CARD8: variants seen among roughly 807,000 people sequenced by gnomAD.
CARD8 encodes the protein caspase recruitment domain family member 8.
CARD8 carries 38 observed loss-of-function variants against 53.2 expected under a neutral mutation model. The ratio of observed to expected loss-of-function variants is 0.71; its 90% CI spans 0.55 to 0.94. The LOEUF (loss-of-function observed/expected upper bound fraction) is 0.94. Among genes scored for constraint, CARD8 ranks in the 40% least tolerant of loss-of-function variants. CARD8 has a pLI of 0.00. For synonymous variants in CARD8, 245 were observed against 244.9 expected, an observed-to-expected ratio of 1.00 and a Z score of 0.00; for missense variants, 561 against 655.5, an observed-to-expected ratio of 0.86 and a Z score of 1.57.
chr19:48,232,092 C>G, intron 7 of CARD8: 1 of 555,954 alleles, frequency 1.8e-6, no homozygotes, highest in Admixed American at 2.9e-5. Context: ...GGACTGGAAC[C>G]AATGCACCTA....
intron 11 of CARD8, among the ~76,000 whole-genome samples, chr19:48,220,947 GGAAAGGAAA>G (rs1388870366): frequency 9.2e-6 from 1 of 108,568 alleles, no homozygotes; most frequent in African/African-American, 3.8e-5. Context: ...GGGAAAGAAA[GGAAAGGAAA>G]GGAAGGAAGG....
rs567237629 is a variant in CARD8 at position 48,233,772 on chromosome 19, A to C, written c.350+631T>G. The stretch of plus-strand genomic sequence containing the variant: ...ACCATTAGTCTAAATTAAATGATAC[A>C]AGCTAACATTTAAATAAATCATATT... On this transcript the variant is annotated intron_variant, in intron 6 of 13. Coordinates refer to ENST00000651546, the MANE Select transcript of CARD8 (RefSeq NM_001184900.3). The C allele has an allele frequency of 2.8e-5, 5 of 177,610 alleles. No homozygotes were observed. In the East Asian group the frequency reaches 8.3e-4, roughly 30 times the overall value. The allele number at this position is 177,610 out of a possible 1,614,324, so 11.0% of individuals were successfully genotyped here.
At position 48,211,879 on chromosome 19, in the gene CARD8, G is replaced by C; in HGVS notation, c.1445C>G (p.Thr482Ser). The change falls in exon 14 of 14, where the codon ACT becomes AGT. Residue 482 changes from threonine (T) to serine (S), a missense_variant. Thr to Ser is a moderately conservative substitution (Grantham distance 58). Coordinates refer to ENST00000651546, the MANE Select transcript of CARD8 (RefSeq NM_001184900.3). ...LDDLQDNEVL[T>S]ENEKELVEQE... ...CTCCACCAGCTCCTTCTCATTCTCA[G>C]TAAGAACCTCATTGTCTTGGAGATC... 1 of 1,614,060 alleles carries C rather than the reference G, an allele frequency of 6.2e-7. No individual in the cohort carries two copies. The highest frequency in any genetic ancestry group is 8.5e-7 in the Non-Finnish European group (1 of 1,179,992).
rs139483339 is a variant in CARD8, at chr19:48,211,950, G to A, written c.1374C>T (p.His458=). The part of the protein sequence containing the change: ...FSGAAFVKEN[H]RQLQARMGDL... ...CCCCCATCCTGGCTTGGAGTTGCCGGTGGTTCTCCTTCACAAAGGCTGCAC... is the reference window on the plus strand; with the variant it reads ...CCCCCATCCTGGCTTGGAGTTGCCGATGGTTCTCCTTCACAAAGGCTGCAC... The change falls in exon 14 of 14, where the codon CAC becomes CAT. Residue 458 remains histidine, a synonymous_variant. Transcript: ENST00000651546. 17 of 1,613,938 alleles carry A rather than the reference G, an allele frequency of 1.1e-5. No homozygotes were observed. The African/African-American group carries it at 1.7e-4, about 16-fold the overall frequency.
At chr19:48,238,869 C>G (rs1256081191) in intron 4 of CARD8, among the ~76,000 whole-genome samples, 2 of 152,146 alleles carry the variant, frequency 1.3e-5, no homozygotes, top group African/African-American at 2.4e-5. Context: ...AATAAAATAC[C>G]ATTCCTCCAC....
intron 13 of CARD8, chr19:48,213,051 CA>C (rs2038355835): frequency 6.6e-6 from 1 of 152,206 alleles, no homozygotes; most frequent in Non-Finnish European, 1.5e-5. Context: ...GGGACGAAGA[CA>C]TGGAGAAACA....
In CARD8 at chr19:48,234,542, C is replaced by A; in HGVS notation, c.211G>T (p.Val71Leu). Residue 71 changes from valine (V) to leucine (L), a missense_variant and splice_region_variant, in exon 6 of 14, where the codon GTA (valine) becomes TTA (leucine). Val to Leu is a conservative substitution (Grantham distance 32). Coordinates refer to ENST00000651546, the MANE Select transcript of CARD8 (RefSeq NM_001184900.3). ...GAAACACAGGGTAGCTCCCTGTATA[C>A]CCTGGAAAACAACAACAGAATTTTT... The part of the protein sequence containing the change: ...QAEACVTNDT[V>L]YRELPCVSET... 6.2e-7 allele frequency: 1 copy of A among 1,611,386 alleles called. No individual in the cohort carries two copies. Among genetic ancestry groups the A allele is most frequent in the Non-Finnish European group, 8.5e-7 (1 of 1,179,158 alleles).
chr19:48,247,831 T>C (rs2046372013), intron 3 of CARD8, among the ~76,000 whole-genome samples: 1 of 151,372 alleles, frequency 6.6e-6, no homozygotes, highest in Admixed American at 6.6e-5. Context: ...CAAAATTAAA[T>C]TACACTAAAT....
intron 11 of CARD8, among the ~76,000 whole-genome samples, chr19:48,219,235 T>C (rs1395575201): frequency 6.6e-6 from 1 of 151,986 alleles, no homozygotes; most frequent in Non-Finnish European, 1.5e-5. Flanking sequence ...ACCACATGAG[T>C]CAGAGAAAAA....
chr19:48,230,844 A>T lies in CARD8; in HGVS notation c.705T>A (p.Phe235Leu), dbSNP rs2042730219. Residue 235 changes from phenylalanine (F) to leucine (L), a missense_variant, in exon 9 of 14, where the codon TTT becomes TTA. By Grantham distance (22) the Phe-to-Leu change is conservative. Coordinates refer to ENST00000651546, the MANE Select transcript of CARD8 (RefSeq NM_001184900.3). Reference protein sequence around the residue: ...HEQWLVGGPLFDVTAEPEEAV... With the variant: ...HEQWLVGGPLLDVTAEPEEAV... ...CCTCCTCTGGCTCTGCAGTGACATC[A>T]AACAAGGGGCCGCCCACCAGCCACT... 1.9e-6 allele frequency: 3 copies of T among 1,614,012 alleles called. No individual in the cohort carries two copies. The highest frequency in any genetic ancestry group is 2.5e-6 in the Non-Finnish European group (3 of 1,180,032).
chr19:48,224,447 A>G (rs1390538192), intron 10 of CARD8, among the ~76,000 whole-genome samples: 1 of 152,152 alleles, frequency 6.6e-6, no homozygotes, highest in Non-Finnish European at 1.5e-5. Context: ...GTGTATTAAA[A>G]CTTAAATACT....
At chr19:48,241,296 C>T (rs1249373533) in intron 3 of CARD8, among the ~76,000 whole-genome samples, 1 of 152,116 alleles carries the variant, frequency 6.6e-6, no homozygotes, top group Non-Finnish European at 1.5e-5. Flanking sequence ...AGCTCTGTCA[C>T]CCAGGCTGGA....
At chr19:48,254,886 T>A (rs1364956285) in intron 1 of CARD8, among the ~76,000 whole-genome samples, 1 of 152,218 alleles carries the variant, frequency 6.6e-6, no homozygotes, top group African/African-American at 2.4e-5. Flanking sequence ...CTGCAAGGAA[T>A]GCTGCCCAGC....
chr19:48,238,929 C>T (rs910961679), intron 4 of CARD8, among the ~76,000 whole-genome samples: 1 of 152,218 alleles, frequency 6.6e-6, no homozygotes, highest in Non-Finnish European at 1.5e-5. Context: ...AGACAATGAT[C>T]TTATCTCAGG....
chr19:48,236,075 G>A (rs1315434656), intron 5 of CARD8, among the ~76,000 whole-genome samples: 1 of 152,272 alleles, frequency 6.6e-6, no homozygotes, highest in East Asian at 1.9e-4. Flanking sequence ...CTTTCACACT[G>A]GACACCACAG....
intron 6 of CARD8, chr19:48,234,132 T>C (rs1440591158): frequency 5.9e-6 from 2 of 339,696 alleles, no homozygotes; most frequent in African/African-American, 4.3e-5. Context: ...GTTTTATGTA[T>C]TGAGTAACAG....
At chr19:48,221,233 A>C (rs1258408016) in intron 11 of CARD8, among the ~76,000 whole-genome samples, 1 of 152,236 alleles carries the variant, frequency 6.6e-6, no homozygotes, top group African/African-American at 2.4e-5. Context: ...AATGTTGAAT[A>C]ATCATGAAAT....
chr19:48,231,295 T>G (rs1311570113), intron 8 of CARD8, among the ~76,000 whole-genome samples: 1 of 152,134 alleles, frequency 6.6e-6, no homozygotes, highest in Non-Finnish European at 1.5e-5. Context: ...TCCTTTTGTA[T>G]TTATATTTTT....
intron 12 of CARD8, 146 bp from the exon 13 acceptor site, chr19:48,215,530 A>T (rs2039091380): frequency 1.7e-6 from 1 of 586,674 alleles, no homozygotes; most frequent in African/African-American, 1.9e-5. Context: ...TACACTGAGG[A>T]AACCCCATTA....
Sources: allele counts gnomAD v4.1 joint callset (sites outside exome capture counted in the v4.1 genomes callset), GRCh38; gene constraint gnomAD v4.1.1; transcripts MANE v1.5; gene names NCBI Gene and HGNC (gene_info 2026-07-23, HGNC 2026-07-21).